THSD7B: variants seen among roughly 807,000 people sequenced by gnomAD.
THSD7B encodes thrombospondin type-1 domain-containing protein 7B.
A neutral mutation model predicts 213.6 loss-of-function variants in THSD7B; 138 were observed. The ratio of observed to expected loss-of-function variants is 0.65; its 90% CI spans 0.56 to 0.74. THSD7B has a LOEUF of 0.74. THSD7B is among the 30% of genes least tolerant of loss of function. The pLI, the probability that THSD7B is intolerant of heterozygous loss-of-function variation, is 0.00. For synonymous variants in THSD7B, 742 were observed against 687.0 expected, an observed-to-expected ratio of 1.08 and a Z score of -1.25; for missense variants, 1,931 against 1,991.5, an observed-to-expected ratio of 0.97 and a Z score of 0.58.
chr2:137,594,629 A>G (rs978339641), intron 17 of THSD7B, among the ~76,000 whole-genome samples: 1 of 151,956 alleles, frequency 6.6e-6, no homozygotes, highest in African/African-American at 2.4e-5. Flanking sequence ...ACTTAGACTG[A>G]GTCTAAAAAT....
At chr2:137,238,534 CTTTTTT>C (rs869146863) in intron 9 of THSD7B, among the ~76,000 whole-genome samples, 1 of 51,874 alleles carries the variant, frequency 1.9e-5, no homozygotes, top group Non-Finnish European at 3.5e-5. Flanking sequence ...ACTCATCTTT[CTTTTTT>C]TTTTTTTTTT....
rs374590768 is a variant in THSD7B, at chr2:137,656,958, G to A, written c.4268G>A (p.Arg1423His). 6.2e-6 allele frequency: 10 copies of A among 1,613,660 alleles called. No individual in the cohort carries two copies. Among genetic ancestry groups the A allele is most frequent in the South Asian group, 2.2e-5 (2 of 91,080 alleles). Residue 1423 changes from arginine to histidine, a missense_variant, in exon 23 of 28, where the codon CGC becomes CAC. Physicochemically the swap from Arg to His is conservative, Grantham distance 29 (BLOSUM62 0). Transcript: ENST00000409968. The stretch of plus-strand genomic sequence containing the variant: ...TGCCCCCAACAGGTTCTAGAAACAC[G>A]CCCTTGTACAGGTACCAAGAGCACT... ...DSCPQQVLETRPCTGGKCYHY... is the reference protein window; with the variant it reads ...DSCPQQVLETHPCTGGKCYHY...
intron 25 of THSD7B, among the ~76,000 whole-genome samples, chr2:137,662,987 C>T (rs1683379210): frequency 6.6e-6 from 1 of 150,562 alleles, no homozygotes; most frequent in African/African-American, 2.5e-5. Flanking sequence ...AGTGCTTGAA[C>T]CTGGGAGGCG....
intron 25 of THSD7B, among the ~76,000 whole-genome samples, chr2:137,662,375 G>A (rs1003119874): frequency 6.6e-5 from 10 of 150,980 alleles, no homozygotes; most frequent in South Asian, 4.2e-4. Flanking sequence ...GAGCCACAGC[G>A]CCCGGCCAGG....
At chr2:137,450,753 G>A in intron 14 of THSD7B, 92 bp from the exon 15 acceptor site, 1 of 1,055,136 alleles carries the variant, frequency 9.5e-7, no homozygotes, top group South Asian at 2.1e-5. Flanking sequence ...CAATATTGTT[G>A]AAAAAATCCA....
At chr2:137,401,463 A>G (rs1167447152) in intron 12 of THSD7B, among the ~76,000 whole-genome samples, 2 of 152,166 alleles carry the variant, frequency 1.3e-5, no homozygotes, top group African/African-American at 4.8e-5. Context: ...TTTATACTAG[A>G]ACGTTCCCAA....
At chr2:137,381,129 G>A (rs1397906604) in intron 12 of THSD7B, among the ~76,000 whole-genome samples, 1 of 152,214 alleles carries the variant, frequency 6.6e-6, no homozygotes, top group Non-Finnish European at 1.5e-5. Flanking sequence ...TGAGCCTTCA[G>A]TCCCCACCGA....
At chr2:137,167,847 CT>C (rs1553475950) in intron 6 of THSD7B, among the ~76,000 whole-genome samples, 2 of 152,164 alleles carry the variant, frequency 1.3e-5, no homozygotes, top group Non-Finnish European at 2.9e-5. Flanking sequence ...CCTTTAGTAC[CT>C]TCAACTAAAC....
intron 2 of THSD7B, among the ~76,000 whole-genome samples, chr2:136,964,766 G>T (rs1257359487): frequency 6.6e-6 from 1 of 152,076 alleles, no homozygotes; most frequent in Non-Finnish European, 1.5e-5. Context: ...ACTTTGGGAG[G>T]CCGAGGCAGG....
intron 1 of THSD7B, among the ~76,000 whole-genome samples, chr2:136,781,448 T>C (rs200200382): frequency 1.2e-4 from 11 of 94,220 alleles, no homozygotes; most frequent in African/African-American, 3.2e-4. Context: ...TTTTTTTAAA[T>C]TTTTTTAGAG....
intron 20 of THSD7B, among the ~76,000 whole-genome samples, chr2:137,626,577 G>C (rs1203871911): frequency 6.6e-6 from 1 of 151,956 alleles, no homozygotes; most frequent in Non-Finnish European, 1.5e-5. Flanking sequence ...TTTAGCAAAG[G>C]GTCTCTTGGC....
intron 20 of THSD7B, among the ~76,000 whole-genome samples, chr2:137,635,176 T>C (rs1372124937): frequency 1.3e-5 from 2 of 152,198 alleles, no homozygotes; most frequent in East Asian, 1.9e-4. Context: ...ATTGGAAACA[T>C]ATTTTATAGG....
chr2:136,935,645 A>G (rs1684712580), intron 2 of THSD7B, among the ~76,000 whole-genome samples: 1 of 152,080 alleles, frequency 6.6e-6, no homozygotes, highest in Admixed American at 6.6e-5. Context: ...TTGTGAACCC[A>G]GTGTCATTTC....
chr2:137,593,462 G>T (rs1681902763), intron 17 of THSD7B, among the ~76,000 whole-genome samples: 1 of 151,596 alleles, frequency 6.6e-6, no homozygotes. Context: ...TTTAATTTTA[G>T]CTATTCTGCT....
intron 7 of THSD7B, among the ~76,000 whole-genome samples, chr2:137,219,904 T>C (rs1408986882): frequency 1.3e-5 from 2 of 152,218 alleles, no homozygotes; most frequent in South Asian, 2.1e-4. Context: ...CAGGATGTTA[T>C]AGTGCTAGAC....
intron 12 of THSD7B, among the ~76,000 whole-genome samples, chr2:137,339,276 A>G (rs1347391388): frequency 4.1e-5 from 1 of 24,598 alleles, no homozygotes. Context: ...TCCAGAAATC[A>G]CTGGAGCCAG....
intron 3 of THSD7B, among the ~76,000 whole-genome samples, chr2:137,077,742 T>A (rs1241033969): frequency 7.3e-5 from 11 of 149,886 alleles, no homozygotes; most frequent in African/African-American, 2.5e-4. Context: ...GTCAGATGAG[T>A]AGGTTGCAAA....
intron 2 of THSD7B, among the ~76,000 whole-genome samples, chr2:136,953,116 T>A (rs1393954047): frequency 6.6e-6 from 1 of 152,188 alleles, no homozygotes; most frequent in African/African-American, 2.4e-5. Context: ...ACAGAATATT[T>A]AAAAATAATA....
intron 12 of THSD7B, among the ~76,000 whole-genome samples, chr2:137,385,645 G>T (rs1573997479): frequency 6.6e-6 from 1 of 151,342 alleles, no homozygotes; most frequent in South Asian, 2.1e-4. Flanking sequence ...GCCAATTTGT[G>T]ACTTGAGCAT....
Sources: allele counts gnomAD v4.1 joint callset (sites outside exome capture counted in the v4.1 genomes callset), GRCh38; gene constraint gnomAD v4.1.1; transcripts MANE v1.5; gene names NCBI Gene and HGNC (gene_info 2026-07-23, HGNC 2026-07-21).